Variants in AKT2 observed in about 807,000 individuals in gnomAD.
AKT2 encodes RAC-beta serine/threonine-protein kinase.
AKT2 carries 16 observed loss-of-function variants against 58.6 expected under a neutral mutation model. The observed-to-expected ratio is 0.27, with a 90% confidence interval of 0.18 to 0.41. The LOEUF (loss-of-function observed/expected upper bound fraction) is 0.41. Among genes scored for constraint, AKT2 ranks in the 10% least tolerant of loss-of-function variants. AKT2 has a pLI of 1.00. For missense variants in AKT2, 438 were observed against 661.0 expected (o/e 0.66, Z 3.70); for synonymous variants, 253 against 254.0 (o/e 1.00, Z 0.04).
intron 1 of AKT2, among the ~76,000 whole-genome samples, chr19:40,276,335 A>G (rs1187463126): frequency 6.8e-5 from 9 of 131,858 alleles, no homozygotes; most frequent in African/African-American, 2.5e-4. Context: ...CCGCATCTGT[A>G]AAATGGAATC....
intron 2 of AKT2, among the ~76,000 whole-genome samples, chr19:40,257,619 A>ACACACG (rs1491058816): frequency 6.7e-6 from 1 of 149,918 alleles, no homozygotes; most frequent in African/African-American, 2.4e-5. Context: ...ACACACACAC[A>ACACACG]CGAACCCACT....
intron 4 of AKT2, among the ~76,000 whole-genome samples, chr19:40,252,078 C>A (rs1431863353): frequency 6.6e-6 from 1 of 152,172 alleles, no homozygotes; most frequent in Non-Finnish European, 1.5e-5. Context: ...GGAGGCGCTG[C>A]AGCACCTAGC....
intron 1 of AKT2, 190 bp downstream of exon 1, chr19:40,284,991 A>C (rs1600130526): frequency 9.4e-6 from 3 of 320,212 alleles, no homozygotes; most frequent in Non-Finnish European, 5.6e-6. Context: ...GCCCGCCGCC[A>C]CCGCCCCGGC....
intron 1 of AKT2, chr19:40,284,671 T>G (rs1050746279): frequency 6.6e-5 from 10 of 152,334 alleles, no homozygotes; most frequent in African/African-American, 2.4e-4. Flanking sequence ...GTCCTCTGAT[T>G]TGGGTTCCCC....
chr19:40,260,540 G>A lies in AKT2; in HGVS notation c.47-3486C>T, dbSNP rs532359707. Among the ~76,000 whole-genome samples the A allele has an allele frequency of 3.0e-5, 4 of 132,534 alleles. No individual in the cohort carries two copies. The South Asian group carries it at 9.7e-4, about 32-fold the overall frequency. The allele number at this position is 132,534 out of a possible 152,430, so 86.9% of individuals were successfully genotyped here. A position where few individuals can be genotyped will look rare whatever the true frequency, so the allele number is the denominator to read the frequency against. On this transcript the variant is annotated intron_variant, in intron 2 of 13. Transcript: ENST00000392038. Reference sequence around the variant, plus strand: ...AGCTACTCAGGAGGCTGAGGCAGGAGAATCACTTGAACCCAGGAGGCGGAG... The same window carrying A: ...AGCTACTCAGGAGGCTGAGGCAGGAAAATCACTTGAACCCAGGAGGCGGAG...
intron 1 of AKT2, chr19:40,282,572 A>G (rs1266392918): frequency 1.9e-6 from 1 of 531,996 alleles, no homozygotes; most frequent in Non-Finnish European, 3.9e-6. Context: ...GACATAGGAC[A>G]GTCACCTCTA....
At position 40,234,715 on chromosome 19, in the gene AKT2, G is replaced by C; in HGVS notation, c.1366+330C>G. 3.3e-6 allele frequency: 2 copies of C among 600,030 alleles called. No homozygotes were observed. The highest frequency in any genetic ancestry group is 5.5e-5 in the East Asian group (2 of 36,310). The allele number at this position is 600,030 out of a possible 1,614,324, so 37.2% of individuals were successfully genotyped here. On this transcript the variant is annotated intron_variant, in intron 13 of 13. Coordinates refer to ENST00000392038, the MANE Select transcript of AKT2 (RefSeq NM_001626.6). This position sits in a 1 kb window ranked among gnomAD's most constrained non-coding sequence, Gnocchi z 4.7. ...CCAGGGCTGGCTCAATCAGTGCTGT[G>C]TCCCCAGCATAGCCCAGCCCTGGGC...
chr19:40,255,284 A>G lies in AKT2; in HGVS notation c.176-15T>C. The G allele has an allele frequency of 1.2e-6, 2 of 1,608,254 alleles. No homozygotes were observed. Among genetic ancestry groups the G allele is most frequent in the Non-Finnish European group, 1.7e-6 (2 of 1,174,830 alleles). ...CAGCTGGCATTCTGCAGGCAGAGGG[A>G]ACAGACAGCAGGGGGCTGAGGGGAT... On this transcript the variant is annotated splice_polypyrimidine_tract_variant and intron_variant, in intron 3 of 13. Transcript: ENST00000392038.
chr19:40,239,871 G>A lies in AKT2; in HGVS notation c.639+174C>T, dbSNP rs56245956. ...TGTCACCCTCCCACTCCCCGAGCCT[G>A]CTCACCCCCACCACATGTCTTGGTT... On this transcript the variant is annotated intron_variant, in intron 7 of 13. Coordinates refer to ENST00000392038, the MANE Select transcript of AKT2 (RefSeq NM_001626.6). 4,141 of 783,512 alleles carry A rather than the reference G, an allele frequency of 5.3e-3. 63 individuals are homozygous for A. Among genetic ancestry groups the A allele is most frequent in the Non-Finnish European group, 2.8e-3 (1,246 of 446,732 alleles). The allele number at this position is 783,512 out of a possible 1,614,324, so 48.5% of individuals were successfully genotyped here. A position where few individuals can be genotyped will look rare whatever the true frequency, so the allele number is the denominator to read the frequency against.
At chr19:40,265,400 A>C in intron 1 of AKT2, 49 bp from the exon 2 acceptor site, 1 of 1,528,320 alleles carries the variant, frequency 6.5e-7, no homozygotes, top group South Asian at 1.2e-5. Flanking sequence ...ATTCCACACC[A>C]GCCCCTTCCC....
intron 1 of AKT2, among the ~76,000 whole-genome samples, chr19:40,280,125 C>T (rs2077397710): frequency 6.6e-6 from 1 of 152,230 alleles, no homozygotes; most frequent in Admixed American, 6.5e-5. Flanking sequence ...CTGGTCTTTC[C>T]AATTCCAGAG....
intron 6 of AKT2, 162 bp from the exon 7 acceptor site, chr19:40,240,272 T>C (rs1444438801): frequency 2.4e-6 from 2 of 826,038 alleles, no homozygotes; most frequent in African/African-American, 1.7e-5. Context: ...CCTCAGCAAA[T>C]AGCAGACCCA....
In AKT2 at chr19:40,234,877, A is replaced by C. The variant is rs775695627; in HGVS notation, c.1366+168T>G. ...GTCAATGGCTCCTGGTGGCCTCACC[A>C]GGTCCAAAGAGGACCAACAGCAAAA... is the stretch of plus-strand genomic sequence containing the variant. On this transcript the variant is annotated intron_variant, in intron 13 of 13. Transcript: ENST00000392038. The surrounding 1 kb of genome is among the most constrained non-coding windows in gnomAD (Gnocchi z 4.7). 2 of 724,568 alleles carry C rather than the reference A, an allele frequency of 2.8e-6. No homozygotes were observed. Among genetic ancestry groups the C allele is most frequent in the African/African-American group, 3.5e-5 (2 of 57,484 alleles). 44.9% of individuals were successfully genotyped at this position (724,568 alleles called of 1,614,324 possible). A position where few individuals can be genotyped will look rare whatever the true frequency, so the allele number is the denominator to read the frequency against.
chr19:40,269,800 G>A (rs1171733948), intron 1 of AKT2, among the ~76,000 whole-genome samples: 1 of 152,130 alleles, frequency 6.6e-6, no homozygotes, highest in African/African-American at 2.4e-5. Flanking sequence ...AGGAGTGAGA[G>A]AATGTTATAG....
rs1053461284 is a variant in AKT2 at position 40,234,540 on chromosome 19, G to A, written c.1366+505C>T. On this transcript the variant is annotated intron_variant, in intron 13 of 13. Transcript: ENST00000392038. This position sits in a 1 kb window ranked among gnomAD's most constrained non-coding sequence, Gnocchi z 4.7. Reference sequence around the variant, plus strand: ...CGTCATTCCTCCGGCCAGCTGACACGTTTGCTTCCTCCTCTAGAAAGCCCT... The same window carrying A: ...CGTCATTCCTCCGGCCAGCTGACACATTTGCTTCCTCCTCTAGAAAGCCCT... 3.5e-5 allele frequency: 11 copies of A among 312,700 alleles called. No individual in the cohort carries two copies. Among genetic ancestry groups the A allele is most frequent in the East Asian group, 2.3e-4 (4 of 17,388 alleles). 19.4% of individuals were successfully genotyped at this position (312,700 alleles called of 1,614,324 possible). A position where few individuals can be genotyped will look rare whatever the true frequency, so the allele number is the denominator to read the frequency against.
chr19:40,257,309 G>A (rs1248417980), intron 2 of AKT2, among the ~76,000 whole-genome samples: 1 of 152,206 alleles, frequency 6.6e-6, no homozygotes, highest in African/African-American at 2.4e-5. Flanking sequence ...CAGTGCCCTG[G>A]GGCACCAGTT....
chr19:40,270,306 G>C (rs1286873476), intron 1 of AKT2, among the ~76,000 whole-genome samples: 1 of 152,214 alleles, frequency 6.6e-6, no homozygotes, highest in Admixed American at 6.5e-5. Flanking sequence ...AGGACTCTTG[G>C]CTGCCTTAGC....
intron 3 of AKT2, among the ~76,000 whole-genome samples, chr19:40,256,629 C>T (rs1290166358): frequency 1.3e-5 from 2 of 152,174 alleles, no homozygotes; most frequent in Non-Finnish European, 2.9e-5. Context: ...CACCTGCCAC[C>T]AGTTGGGGAC....
In AKT2 at chr19:40,233,228, C is replaced by G. The variant is rs1973806558; in HGVS notation, c.*644G>C. The G allele has an allele frequency of 3.8e-6, 1 of 262,336 alleles. No individual in the cohort carries two copies. Among genetic ancestry groups the G allele is most frequent in the Non-Finnish European group, 7.4e-6 (1 of 135,938 alleles). The allele number at this position is 262,336 out of a possible 1,614,324, so 16.3% of individuals were successfully genotyped here. ...AGGAGGCCGGACCAGGAGGCGGCAC[C>G]CAGCCCGGCCACTCCTGGTTCCCCA... On this transcript the variant is annotated 3_prime_UTR_variant, in exon 14 of 14. Transcript: ENST00000392038. This position sits in a 1 kb window ranked among gnomAD's most constrained non-coding sequence, Gnocchi z 4.3.
Sources: allele counts gnomAD v4.1 joint callset (sites outside exome capture counted in the v4.1 genomes callset), GRCh38; gene constraint gnomAD v4.1.1; non-coding constraint Gnocchi (gnomAD v3.1); transcripts MANE v1.5; gene names NCBI Gene and HGNC (gene_info 2026-07-23, HGNC 2026-07-21).